Variants in BPIFB4 observed in about 807,000 individuals in gnomAD.
BPIFB4 encodes the protein BPI fold containing family B member 4.
Under a neutral mutation model 69.2 loss-of-function variants are expected in BPIFB4, and 62 were observed. The ratio of observed to expected loss-of-function variants is 0.90; its 90% CI spans 0.73 to 1.11. The LOEUF (loss-of-function observed/expected upper bound fraction) is 1.11, where lower values mean the gene tolerates loss of function less well. Among genes scored for constraint, BPIFB4 ranks in the 50% least tolerant of loss-of-function variants. The pLI, the probability that BPIFB4 is intolerant of heterozygous loss-of-function variation, is 0.00. For missense variants in BPIFB4, 789 were observed against 792.0 expected (o/e 1.00, Z 0.04); for synonymous variants, 330 against 332.7 (o/e 0.99, Z 0.09).
intron 11 of BPIFB4, among the ~76,000 whole-genome samples, chr20:33,094,354 C>T (rs1323457597): frequency 6.6e-6 from 1 of 152,228 alleles, no homozygotes. Flanking sequence ...AAGAAGCAAG[C>T]CAATTTAAAA....
intron 11 of BPIFB4, 52 bp from the exon 12 acceptor site, chr20:33,095,048 G>C: frequency 6.6e-7 from 1 of 1,526,062 alleles, no homozygotes; most frequent in East Asian, 2.3e-5. Context: ...AGCAACTCCT[G>C]TCTGTACCGA....
At chr20:33,096,238 T>C (rs778049038) in intron 12 of BPIFB4, among the ~76,000 whole-genome samples, 17 of 152,222 alleles carry the variant, frequency 1.1e-4, no homozygotes, top group Non-Finnish European at 1.6e-4. Context: ...CTATGTGCAC[T>C]GCACTTTACA....
chr20:33,083,067 G>T (rs1175925714), intron 4 of BPIFB4, 67 bp downstream of exon 4: 2 of 1,481,730 alleles, frequency 1.3e-6, no homozygotes, highest in East Asian at 4.6e-5. Context: ...GGAAGTGGAG[G>T]TGGTGGGGGA....
Position 33,097,702 on chromosome 20 carries a change from A to G in BPIFB4, c.1484A>G (p.Lys495Arg). ...NPPSVMLQKDKALVKVLATAE... is the reference protein window; with the variant it reads ...NPPSVMLQKDRALVKVLATAE... Reference sequence around the variant, plus strand: ...CCATCTGTGATGCTGCAGAAGGACAAAGCGCTGGTGAAGGTGTTGGCCACT... The same window carrying G: ...CCATCTGTGATGCTGCAGAAGGACAGAGCGCTGGTGAAGGTGTTGGCCACT... The change falls in exon 13 of 18, where the codon AAA (lysine) becomes AGA (arginine). Residue 495 changes from lysine (K) to arginine (R), a missense_variant. By Grantham distance (26) the Lys-to-Arg change is conservative (BLOSUM62 2). This residue lies in a region of BPIFB4 where 170 missense variants were observed against 193.6 expected (regional missense o/e 0.88). Transcript: ENST00000375483. 1.2e-6 allele frequency: 2 copies of G among 1,614,050 alleles called. No individual in the cohort carries two copies. The highest frequency in any genetic ancestry group is 2.2e-5 in the South Asian group (2 of 91,084).
chr20:33,082,655 A>G (rs1272108280), intron 3 of BPIFB4, among the ~76,000 whole-genome samples: 2 of 152,186 alleles, frequency 1.3e-5, no homozygotes, highest in Non-Finnish European at 2.9e-5. Flanking sequence ...TTAAAGCTGT[A>G]AAGTGCAGAG....
rs181858545 is a variant in BPIFB4 at position 33,083,841 on chromosome 20, G to T, written c.644G>T (p.Gly215Val). Residue 215 changes from glycine to valine, a missense_variant, in exon 5 of 18, where the codon GGT (glycine) becomes GTT (valine). Around this residue, in one of 3 missense-constraint regions of BPIFB4, gnomAD observed 611 missense variants for 575.4 expected, o/e 1.06. Coordinates refer to ENST00000375483, the MANE Select transcript of BPIFB4 (RefSeq NM_182519.3). ...GGTGTCCTGGGCGTGCTCGGCGAGG[G>T]TGGCATCCTCAGCACTGTGCAAGGC... ...GGGVLGVLGE[G>V]GILSTVQGIT... 2 of 1,613,322 alleles carry T rather than the reference G, an allele frequency of 1.2e-6. No individual in the cohort carries two copies. Among genetic ancestry groups the T allele is most frequent in the African/African-American group, 2.7e-5 (2 of 74,986 alleles).
rs1305734779 is a variant in BPIFB4, at chr20:33,083,677, A to G, written c.480A>G (p.Gly160=). 3 of 1,613,976 alleles carry G rather than the reference A, an allele frequency of 1.9e-6. No individual in the cohort carries two copies. Among genetic ancestry groups the G allele is most frequent in the Non-Finnish European group, 2.5e-6 (3 of 1,179,968 alleles). Residue 160 remains glycine, a synonymous_variant, in exon 5 of 18, where the codon GGA becomes GGG. Coordinates refer to ENST00000375483, the MANE Select transcript of BPIFB4 (RefSeq NM_182519.3). ...TGCAGCCTGGAGAAATCCCACCTGGAGTTGCCACTGGGGCGGTGGGCCCAG... is the reference window on the plus strand; with the variant it reads ...TGCAGCCTGGAGAAATCCCACCTGGGGTTGCCACTGGGGCGGTGGGCCCAG... ...RELQPGEIPP[G]VATGAVGPGG...
intron 2 of BPIFB4, 106 bp from the exon 3 acceptor site, chr20:33,081,406 G>T: frequency 3.4e-6 from 5 of 1,464,518 alleles, no homozygotes; most frequent in Non-Finnish European, 3.6e-6. Flanking sequence ...CCTCTCTCTG[G>T]GTCCCAGGGT....
intron 16 of BPIFB4, among the ~76,000 whole-genome samples, chr20:33,105,608 A>C (rs1362922234): frequency 6.6e-6 from 1 of 152,222 alleles, no homozygotes; most frequent in Non-Finnish European, 1.5e-5. Context: ...ACTGGGCCCC[A>C]GACTCTCTCC....
At chr20:33,106,636 G>A (rs1204707264) in intron 16 of BPIFB4, among the ~76,000 whole-genome samples, 1 of 152,070 alleles carries the variant, frequency 6.6e-6, no homozygotes, top group Non-Finnish European at 1.5e-5. Context: ...GCCTCCCAAG[G>A]GGACATAGTT....
intron 5 of BPIFB4, 38 bp downstream of exon 5, chr20:33,083,912 A>G: frequency 1.3e-6 from 2 of 1,556,776 alleles, no homozygotes; most frequent in Non-Finnish European, 1.7e-6. Flanking sequence ...AAGCCCCCAT[A>G]CACCTCCAAA....
chr20:33,104,128 C>T (rs1981979066), intron 15 of BPIFB4, among the ~76,000 whole-genome samples: 2 of 152,212 alleles, frequency 1.3e-5, no homozygotes, highest in African/African-American at 4.8e-5. Context: ...CATGCCCTCA[C>T]CCTCTGCAGA....
chr20:33,096,092 C>T (rs1006014437), intron 12 of BPIFB4, among the ~76,000 whole-genome samples: 1 of 152,204 alleles, frequency 6.6e-6, no homozygotes, highest in Non-Finnish European at 1.5e-5. Flanking sequence ...ACAAACTCAA[C>T]ACGTGGTCAC....
chr20:33,089,077 G>T (rs1487253045), intron 8 of BPIFB4, 48 bp downstream of exon 8: 2 of 1,612,926 alleles, frequency 1.2e-6, no homozygotes, highest in East Asian at 2.2e-5. Context: ...GCTTCCCCCA[G>T]ACTGAGGGGC....
chr20:33,088,992 T>G lies in BPIFB4; in HGVS notation c.953T>G (p.Leu318Ter). Residue 318 changes from leucine (L) to a stop codon, truncating the protein, a stop_gained, in exon 8 of 18, where the codon TTA (leucine) becomes TGA (stop). Transcript: ENST00000375483. LOFTEE classifies it high-confidence loss of function. The part of the protein sequence containing the change: ...RGLLPNLVDN[L>*]VNRVLADVLP... ...CTTCTCCCCAATCTCGTGGACAATT[T>G]AGTGAACCGAGTCCTGGCCGACGTC... 1.2e-6 allele frequency: 2 copies of G among 1,613,896 alleles called. No individual in the cohort carries two copies. The highest frequency in any genetic ancestry group is 1.7e-6 in the Non-Finnish European group (2 of 1,179,834).
chr20:33,082,408 A>C (rs988020213), intron 3 of BPIFB4, among the ~76,000 whole-genome samples: 1 of 152,094 alleles, frequency 6.6e-6, no homozygotes, highest in African/African-American at 2.4e-5. Context: ...ATCTCGGCTT[A>C]CTGCAACCTC....
intron 10 of BPIFB4, among the ~76,000 whole-genome samples, chr20:33,091,669 G>A (rs753775234): frequency 1.5e-4 from 23 of 152,248 alleles, no homozygotes; most frequent in Non-Finnish European, 2.4e-4. Flanking sequence ...TTGGTCACCC[G>A]CTGTATGCCT....
At chr20:33,102,650 T>C (rs1236131752) in intron 14 of BPIFB4, among the ~76,000 whole-genome samples, 2 of 152,324 alleles carry the variant, frequency 1.3e-5, no homozygotes, top group East Asian at 3.9e-4. Flanking sequence ...GAATATCCCC[T>C]TTAGTCCTAG....
intron 13 of BPIFB4, among the ~76,000 whole-genome samples, 176 bp downstream of exon 13, chr20:33,097,963 G>A (rs1271680039): frequency 1.3e-5 from 2 of 152,180 alleles, no homozygotes; most frequent in African/African-American, 4.8e-5. Context: ...CCAGCTACAT[G>A]ACTTTGGACA....
Sources: gnomAD v4.1 joint callset for allele counts (sites outside exome capture counted in the v4.1 genomes callset) on GRCh38, gnomAD v4.1.1 for gene constraint, gnomAD v4.1.1 regional missense constraint, MANE v1.5 for transcripts, NCBI Gene and HGNC (gene_info 2026-07-23, HGNC 2026-07-21) for gene names.